CTNNA3: variants seen among roughly 807,000 people sequenced by gnomAD.
CTNNA3 encodes the protein catenin alpha 3.
In CTNNA3, 76 loss-of-function variants were observed where a neutral mutation model predicts 95.7. That is an observed-to-expected ratio of 0.79 (90% CI 0.66 to 0.96). The LOEUF (loss-of-function observed/expected upper bound fraction) is 0.96. Ranked by LOEUF, CTNNA3 falls within the 40% of genes least tolerant of loss-of-function variation. The pLI is 0.00. For synonymous variants in CTNNA3, 431 were observed against 374.4 expected, an observed-to-expected ratio of 1.15 and a Z score of -1.74; for missense variants, 1,191 against 1,089.8, an observed-to-expected ratio of 1.09 and a Z score of -1.31.
At chr10:66,980,030 GAC>G (rs1379181822) in intron 7 of CTNNA3, among the ~76,000 whole-genome samples, 1 of 152,174 alleles carries the variant, frequency 6.6e-6, no homozygotes, top group Non-Finnish European at 1.5e-5. Flanking sequence ...TGGCACTGGA[GAC>G]ACTTTTTTCC....
chr10:67,498,635 G>A (rs1839117005), intron 5 of CTNNA3, among the ~76,000 whole-genome samples: 2 of 152,124 alleles, frequency 1.3e-5, no homozygotes, highest in Non-Finnish European at 2.9e-5. Context: ...AGCTCTCCTT[G>A]AAGAGGTCCT....
At position 66,711,845 on chromosome 10, in the gene CTNNA3, C is replaced by G. The variant is rs10997340; in HGVS notation, c.1281+54419G>C. 1.2e-3 allele frequency among the ~76,000 whole-genome samples: 182 copies of G among 152,232 alleles called. 5 individuals carry two copies. The East Asian group carries it at 0.029, about 24-fold the overall frequency. On this transcript the variant is annotated intron_variant, in intron 9 of 17. Coordinates refer to ENST00000433211, the MANE Select transcript of CTNNA3 (RefSeq NM_013266.4). The stretch of plus-strand genomic sequence containing the variant: ...TCGGCCTCTCAAAGTGCTGGGATTA[C>G]AGAAGTGAGCCACTATACCCAAACC...
intron 15 of CTNNA3, among the ~76,000 whole-genome samples, chr10:65,998,247 GT>G (rs2078704513): frequency 6.6e-6 from 1 of 152,108 alleles, no homozygotes. Context: ...AATGCATACT[GT>G]TTTTGACACA....
chr10:66,614,162 A>G (rs1452604470), intron 10 of CTNNA3, among the ~76,000 whole-genome samples: 2 of 152,130 alleles, frequency 1.3e-5, no homozygotes, highest in Non-Finnish European at 2.9e-5. Flanking sequence ...AGATAATGCC[A>G]GTCACTTCAC....
At chr10:67,067,056 T>A (rs1470026598) in intron 7 of CTNNA3, among the ~76,000 whole-genome samples, 1 of 152,192 alleles carries the variant, frequency 6.6e-6, no homozygotes, top group African/African-American at 2.4e-5. Context: ...CAACCACTTC[T>A]GAATGAAAAT....
chr10:66,543,905 GTGTGTGTATATATATATATATA>G lies in CTNNA3; in HGVS notation c.1375-23154_1375-23133del, dbSNP rs1286400229. On this transcript the variant is annotated intron_variant, in intron 10 of 17. Coordinates refer to ENST00000433211, the MANE Select transcript of CTNNA3 (RefSeq NM_013266.4). ...TTAGCTAATCCTTCTTGAGATGTGT[GTGTGTGTATATATATATATATA>G]TATATATATATATATATATATATAT... Among the ~76,000 whole-genome samples the G allele has an allele frequency of 1.8e-3, 181 of 102,218 alleles. 7 individuals are homozygous for G. The highest frequency in any genetic ancestry group is 6.7e-3 in the Middle Eastern group (1 of 150). 67.1% of individuals were successfully genotyped at this position (102,218 alleles called of 152,430 possible).
chr10:67,140,219 A>T (rs1564918587), intron 7 of CTNNA3, among the ~76,000 whole-genome samples: 1 of 152,192 alleles, frequency 6.6e-6, no homozygotes, highest in Non-Finnish European at 1.5e-5. Context: ...AAAATTGGTA[A>T]GTCATCACTT....
chr10:66,113,065 G>T (rs2082178906), intron 13 of CTNNA3, among the ~76,000 whole-genome samples: 1 of 152,088 alleles, frequency 6.6e-6, no homozygotes, highest in Non-Finnish European at 1.5e-5. Context: ...TAAAGCAGTT[G>T]TACCATTCTA....
At chr10:65,962,308 A>T (rs1043280892) in intron 17 of CTNNA3, among the ~76,000 whole-genome samples, 1 of 152,146 alleles carries the variant, frequency 6.6e-6, no homozygotes, top group Non-Finnish European at 1.5e-5. Context: ...ATGAGTTTCC[A>T]TACTCACCGT....
intron 7 of CTNNA3, among the ~76,000 whole-genome samples, chr10:66,942,933 A>G (rs980097946): frequency 6.6e-6 from 1 of 152,242 alleles, no homozygotes; most frequent in Non-Finnish European, 1.5e-5. Flanking sequence ...AAGAATTCCA[A>G]TGGGCACTTA....
intron 7 of CTNNA3, among the ~76,000 whole-genome samples, chr10:66,874,599 G>A (rs1844543281): frequency 6.6e-6 from 1 of 152,106 alleles, no homozygotes; most frequent in Non-Finnish European, 1.5e-5. Flanking sequence ...CCCACATGCA[G>A]TATGAATATA....
chr10:67,514,567 A>C (rs1383691481), intron 5 of CTNNA3, among the ~76,000 whole-genome samples: 1 of 151,914 alleles, frequency 6.6e-6, no homozygotes, highest in Non-Finnish European at 1.5e-5. Flanking sequence ...TGTGCACATT[A>C]TTTCTCCTCA....
chr10:66,006,124 T>C (rs2078876444), intron 15 of CTNNA3, among the ~76,000 whole-genome samples: 1 of 151,090 alleles, frequency 6.6e-6, no homozygotes, highest in African/African-American at 2.4e-5. Context: ...ACCATTCTCC[T>C]GCCTCAGCCT....
chr10:66,383,715 A>G (rs1277173209), intron 11 of CTNNA3, among the ~76,000 whole-genome samples: 1 of 152,208 alleles, frequency 6.6e-6, no homozygotes, highest in African/African-American at 2.4e-5. Context: ...AGTTACCCAC[A>G]AAGGGAAGCC....
chr10:67,122,397 TTAGTAA>T lies in CTNNA3; in HGVS notation c.1047+57914_1047+57919del, dbSNP rs1465368778. 2.0e-5 allele frequency among the ~76,000 whole-genome samples: 3 copies of T among 152,080 alleles called. No individual in the cohort carries two copies. In the East Asian group the frequency reaches 5.8e-4, roughly 29 times the overall value. Reference sequence around the variant, plus strand: ...TATGAAAGACCTAGAAGAAATGATGTTAGTAATAGTAACCTAAAGTACACCAAATGC... The same window carrying T: ...TATGAAAGACCTAGAAGAAATGATGTTAGTAACCTAAAGTACACCAAATGC... On this transcript the variant is annotated intron_variant, in intron 7 of 17. Transcript: ENST00000433211.
intron 5 of CTNNA3, among the ~76,000 whole-genome samples, chr10:67,331,385 A>G (rs1841788539): frequency 1.3e-5 from 2 of 152,366 alleles, no homozygotes; most frequent in South Asian, 4.1e-4. Flanking sequence ...TCACAAGCAT[A>G]AAGTCACAGG....
At chr10:66,105,980 G>A (rs970805573) in intron 13 of CTNNA3, among the ~76,000 whole-genome samples, 5 of 152,098 alleles carry the variant, frequency 3.3e-5, no homozygotes, top group African/African-American at 7.2e-5. Context: ...AGGCCAAGGC[G>A]GGTGGATCAC....
At chr10:66,438,873 A>C (rs1366153800) in intron 11 of CTNNA3, among the ~76,000 whole-genome samples, 1 of 152,110 alleles carries the variant, frequency 6.6e-6, no homozygotes, top group East Asian at 1.9e-4. Context: ...ACCATGGGAA[A>C]AGCAAAGTAT....
At chr10:66,192,823 C>A (rs1485538219) in intron 13 of CTNNA3, among the ~76,000 whole-genome samples, 1 of 152,056 alleles carries the variant, frequency 6.6e-6, no homozygotes, top group Non-Finnish European at 1.5e-5. Context: ...CACTTAAGTT[C>A]TATTTACTTA....
Sources: gnomAD v4.1 joint callset for allele counts (sites outside exome capture counted in the v4.1 genomes callset) on GRCh38, gnomAD v4.1.1 for gene constraint, MANE v1.5 for transcripts, NCBI Gene and HGNC (gene_info 2026-07-23, HGNC 2026-07-21) for gene names.